NKAIN3: variants seen among roughly 807,000 people sequenced by gnomAD.
NKAIN3 encodes sodium/potassium-transporting ATPase subunit beta-1-interacting protein 3.
In NKAIN3, 25 loss-of-function variants were observed where a neutral mutation model predicts 30.2. The ratio of observed to expected loss-of-function variants is 0.83; its 90% CI spans 0.60 to 1.16. The LOEUF is 1.16. Among genes scored for constraint, NKAIN3 ranks in the 50% most tolerant of loss-of-function variants. The pLI is 0.00. For synonymous variants in NKAIN3, 91 were observed against 89.6 expected (o/e 1.02, Z -0.09); for missense variants, 225 against 254.1 (o/e 0.89, Z 0.78).
At chr8:62,275,629 G>C (rs777134409) in intron 1 of NKAIN3, among the ~76,000 whole-genome samples, 1 of 152,114 alleles carries the variant, frequency 6.6e-6, no homozygotes, top group African/African-American at 2.4e-5. Context: ...ATAGCTAAAT[G>C]TTTTTAGGTT....
At chr8:62,287,174 C>T (rs1161091821) in intron 1 of NKAIN3, among the ~76,000 whole-genome samples, 1 of 151,384 alleles carries the variant, frequency 6.6e-6, no homozygotes, top group Non-Finnish European at 1.5e-5. Context: ...CCCTTTGGCT[C>T]ATACGAGGTT....
At position 62,500,571 on chromosome 8, in the gene NKAIN3, T is replaced by C. The variant is rs1044454797; in HGVS notation, c.55-78968T>C. ...CAATTAGATGTGACCTCTGTGGTAG[T>C]ACATAATGTGTGGGCCGACTGAAAA... On this transcript the variant is annotated intron_variant, in intron 1 of 6. Coordinates refer to ENST00000623646, the MANE Select transcript of NKAIN3 (RefSeq NM_001304533.3). Among the ~76,000 whole-genome samples, 3 of 152,096 alleles carry C rather than the reference T, an allele frequency of 2.0e-5. No homozygotes were observed. In the East Asian group the frequency reaches 5.8e-4, roughly 29 times the overall value.
At chr8:62,862,486 A>G (rs191866667) in intron 4 of NKAIN3, among the ~76,000 whole-genome samples, 1 of 152,280 alleles carries the variant, frequency 6.6e-6, no homozygotes, top group Admixed American at 6.5e-5. Context: ...ACTAAAATAA[A>G]GAGTGCAATT....
chr8:62,402,897 A>G (rs1329966718), intron 1 of NKAIN3, among the ~76,000 whole-genome samples: 1 of 152,176 alleles, frequency 6.6e-6, no homozygotes, highest in African/African-American at 2.4e-5. Flanking sequence ...GAGGGCTCAG[A>G]AGAAGATAGG....
chr8:62,824,136 G>A (rs1818943982), intron 4 of NKAIN3, among the ~76,000 whole-genome samples: 1 of 152,154 alleles, frequency 6.6e-6, no homozygotes, highest in Non-Finnish European at 1.5e-5. Context: ...GCATTGACCA[G>A]CCATTGGATA....
intron 1 of NKAIN3, among the ~76,000 whole-genome samples, chr8:62,574,171 C>T (rs1810034575): frequency 6.6e-6 from 1 of 152,084 alleles, no homozygotes; most frequent in Non-Finnish European, 1.5e-5. Flanking sequence ...ACATAATGAC[C>T]TCTAGTTCTG....
chr8:62,745,838 G>C (rs7003189), intron 3 of NKAIN3, among the ~76,000 whole-genome samples: 1 of 151,948 alleles, frequency 6.6e-6, no homozygotes, highest in African/African-American at 2.4e-5. Context: ...GCTTTGGAGG[G>C]GGAAGACAGC....
intron 3 of NKAIN3, among the ~76,000 whole-genome samples, chr8:62,657,110 A>T (rs1488485610): frequency 6.6e-6 from 1 of 152,186 alleles, no homozygotes; most frequent in Non-Finnish European, 1.5e-5. Flanking sequence ...TAAACATTTC[A>T]ATTGTTGTAC....
In NKAIN3 at chr8:62,856,102, A is replaced by G. The variant is rs565425283; in HGVS notation, c.472-62351A>G. ...AAACCTGGATCATCAAACTGTTTTA[A>G]CTCTTCTGTTTCCCCTTTCTCCATT... On this transcript the variant is annotated intron_variant, in intron 4 of 6. Transcript: ENST00000623646. 127 of 710,786 alleles carry G rather than the reference A, an allele frequency of 1.8e-4. 1 individual carries two copies. Among genetic ancestry groups the G allele is most frequent in the Admixed American group, 7.0e-4 (36 of 51,294 alleles). 44.0% of individuals were successfully genotyped at this position (710,786 alleles called of 1,614,324 possible). A position where few individuals can be genotyped will look rare whatever the true frequency, so the allele number is the denominator to read the frequency against.
chr8:62,443,536 A>G (rs1055992181), intron 1 of NKAIN3, among the ~76,000 whole-genome samples: 3 of 151,818 alleles, frequency 2.0e-5, no homozygotes, highest in African/African-American at 7.3e-5. Flanking sequence ...GGTGCGAGCC[A>G]CCATGCCAGG....
At chr8:62,470,832 G>T (rs1049162425) in intron 1 of NKAIN3, among the ~76,000 whole-genome samples, 28 of 150,858 alleles carry the variant, frequency 1.9e-4, no homozygotes, top group African/African-American at 6.1e-4. Context: ...CCTAAATGCA[G>T]TTAAAAAAAA....
At chr8:62,407,401 G>GTTTTTTTTTTTTTT (rs10660478) in intron 1 of NKAIN3, among the ~76,000 whole-genome samples, 1 of 118,670 alleles carries the variant, frequency 8.4e-6, no homozygotes, top group Non-Finnish European at 1.6e-5. Context: ...CTAGATAGTT[G>GTTTTTTTTTTTTTT]TTTTTTTTTT....
At chr8:62,272,238 G>T (rs1812799817) in intron 1 of NKAIN3, among the ~76,000 whole-genome samples, 1 of 152,178 alleles carries the variant, frequency 6.6e-6, no homozygotes, top group Non-Finnish European at 1.5e-5. Context: ...ACCCAGGGCA[G>T]CATTGTACTT....
chr8:62,501,393 C>G (rs182964188), intron 1 of NKAIN3, among the ~76,000 whole-genome samples: 1 of 152,084 alleles, frequency 6.6e-6, no homozygotes, highest in Admixed American at 6.5e-5. Context: ...TGATTTCGTT[C>G]CTTTTGGGCT....
At chr8:62,320,089 G>C (rs911708584) in intron 1 of NKAIN3, among the ~76,000 whole-genome samples, 1 of 152,036 alleles carries the variant, frequency 6.6e-6, no homozygotes, top group African/African-American at 2.4e-5. Flanking sequence ...TTATGTAATG[G>C]CCTTCTTTGT....
At chr8:62,934,963 A>T (rs142390061) in intron 5 of NKAIN3, among the ~76,000 whole-genome samples, 1 of 152,252 alleles carries the variant, frequency 6.6e-6, no homozygotes, top group African/African-American at 2.4e-5. Flanking sequence ...GGGGAAGGAG[A>T]GCACTTCCAC....
chr8:62,687,078 G>A (rs903675702), intron 3 of NKAIN3, among the ~76,000 whole-genome samples: 3 of 152,150 alleles, frequency 2.0e-5, no homozygotes, highest in African/African-American at 4.8e-5. Context: ...GGAAGAGGAA[G>A]AGCACATCAG....
At position 62,941,259 on chromosome 8, in the gene NKAIN3, T is replaced by G. The variant is rs984828000; in HGVS notation, c.533-12643T>G. ...GCAGCAAGATTGAAATGGTAATTTT[T>G]TTAAAAAATTACCAATAGAAAAGTC... On this transcript the variant is annotated intron_variant, in intron 5 of 6. Coordinates refer to ENST00000623646, the MANE Select transcript of NKAIN3 (RefSeq NM_001304533.3). 1.3e-5 allele frequency among the ~76,000 whole-genome samples: 2 copies of G among 152,074 alleles called. 1 individual carries two copies. Among genetic ancestry groups the G allele is most frequent in the South Asian group, 4.1e-4 (2 of 4,822 alleles).
intron 1 of NKAIN3, among the ~76,000 whole-genome samples, chr8:62,345,616 C>CACATATATACACACATATATGTATATAT (rs1554669407): frequency 1.4e-5 from 2 of 139,784 alleles, no homozygotes; most frequent in Non-Finnish European, 3.0e-5. Flanking sequence ...TATGTATATA[C>CACATATATACACACATATATGTATATAT]ACACATATAT....
Sources: allele counts gnomAD v4.1 joint callset (sites outside exome capture counted in the v4.1 genomes callset), GRCh38; gene constraint gnomAD v4.1.1; transcripts MANE v1.5; gene names NCBI Gene and HGNC (gene_info 2026-07-23, HGNC 2026-07-21).